Variants in WNT7A observed in about 807,000 individuals in gnomAD.
WNT7A encodes the protein protein Wnt-7a.
Under a neutral mutation model 28.2 loss-of-function variants are expected in WNT7A, and 16 were observed. The observed-to-expected ratio is 0.57, with a 90% CI of 0.38 to 0.86. WNT7A has a LOEUF of 0.86. Among genes scored for constraint, WNT7A ranks in the 40% least tolerant of loss-of-function variants. The pLI, the probability that WNT7A is intolerant of heterozygous loss-of-function variation, is 0.00. For synonymous variants in WNT7A, 190 were observed against 195.9 expected (o/e 0.97, Z 0.25); for missense variants, 411 against 489.7 (o/e 0.84, Z 1.52).
At chr3:13,876,438 C>A (rs1049914605) in intron 1 of WNT7A, among the ~76,000 whole-genome samples, 11 of 152,166 alleles carry the variant, frequency 7.2e-5, no homozygotes, top group African/African-American at 2.2e-4. Flanking sequence ...GTAGGAAAGA[C>A]CTGTGGGGTG....
chr3:13,857,841 G>A (rs73814722), intron 2 of WNT7A, among the ~76,000 whole-genome samples: 3 of 152,190 alleles, frequency 2.0e-5, no homozygotes, highest in African/African-American at 7.2e-5. Flanking sequence ...GTGACCTTGG[G>A]TGAGTCACCT....
intron 3 of WNT7A, among the ~76,000 whole-genome samples, chr3:13,853,561 T>C (rs773704566): frequency 3.9e-5 from 6 of 152,086 alleles, no homozygotes; most frequent in Non-Finnish European, 8.8e-5. Flanking sequence ...TAGCCAAACC[T>C]CGCTCATCTC....
intron 3 of WNT7A, among the ~76,000 whole-genome samples, chr3:13,834,190 T>C (rs539120900): frequency 4.1e-4 from 63 of 152,236 alleles, no homozygotes; most frequent in Admixed American, 4.0e-3. Flanking sequence ...AGCAATTGTT[T>C]ATTTTGCTCA....
intron 3 of WNT7A, among the ~76,000 whole-genome samples, chr3:13,831,629 C>T (rs900094479): frequency 1.3e-5 from 2 of 152,160 alleles, no homozygotes; most frequent in African/African-American, 4.8e-5. Flanking sequence ...AGCTGAGTTC[C>T]TCCCTAGGCA....
chr3:13,873,138 A>G (rs1025541973), intron 2 of WNT7A, among the ~76,000 whole-genome samples: 1 of 152,102 alleles, frequency 6.6e-6, no homozygotes, highest in Non-Finnish European at 1.5e-5. Flanking sequence ...GATGCCACTC[A>G]CTATGTGACC....
At position 13,879,858 on chromosome 3, in the gene WNT7A, A is replaced by C; in HGVS notation, c.-42T>G. ...CGGGGCCGCGGGCCGGGCTGTGCTG[A>C]TCCCGCGGGCCGGCCCCGGCGGGGC... On this transcript the variant is annotated 5_prime_UTR_variant, in exon 1 of 4. Transcript: ENST00000285018. 1 of 1,529,190 alleles carries C rather than the reference A, an allele frequency of 6.5e-7. No homozygotes were observed. The allele number at this position is 1,529,190 out of a possible 1,614,324, so 94.7% of individuals were successfully genotyped here.
In WNT7A at chr3:13,819,119, C is replaced by T. The variant is rs1694067990; in HGVS notation, c.875G>A (p.Arg292His). 1.9e-6 allele frequency: 3 copies of T among 1,614,058 alleles called. No homozygotes were observed. Among genetic ancestry groups the T allele is most frequent in the Admixed American group, 1.7e-5 (1 of 60,012 alleles). ...CTGGGGAGCCGTCTTGTTGCAGGCG[C>T]GGCCCTGGGTGCCCACACTGCCGGT... ...PVTGSVGTQG[R>H]ACNKTAPQAS... The change falls in exon 4 of 4, where the codon CGC (arginine) becomes CAC (histidine). Residue 292 changes from arginine (R) to histidine (H), a missense_variant. Arg to His is a conservative substitution (Grantham distance 29). Coordinates refer to ENST00000285018, the MANE Select transcript of WNT7A (RefSeq NM_004625.4).
At chr3:13,851,619 T>C (rs1694639446) in intron 3 of WNT7A, among the ~76,000 whole-genome samples, 2 of 152,344 alleles carry the variant, frequency 1.3e-5, no homozygotes, top group Middle Eastern at 6.8e-3. Context: ...TTCTTGTACC[T>C]GATTCTCTCA....
intron 3 of WNT7A, among the ~76,000 whole-genome samples, chr3:13,842,614 T>C (rs1324067069): frequency 3.3e-5 from 5 of 152,098 alleles, no homozygotes; most frequent in South Asian, 2.1e-4. Context: ...ATGTTGGATG[T>C]GGGGTGTGAA....
intron 3 of WNT7A, among the ~76,000 whole-genome samples, chr3:13,833,296 G>T (rs750427067): frequency 1.3e-5 from 2 of 151,998 alleles, no homozygotes; most frequent in African/African-American, 4.8e-5. Context: ...TTCTCATGCC[G>T]TCCATCCCTA....
intron 3 of WNT7A, among the ~76,000 whole-genome samples, chr3:13,833,864 A>T (rs1048938634): frequency 6.6e-6 from 1 of 152,182 alleles, no homozygotes; most frequent in Non-Finnish European, 1.5e-5. Context: ...TCATCCACTC[A>T]TTCACCTTTC....
At chr3:13,833,726 C>T (rs1278516131) in intron 3 of WNT7A, among the ~76,000 whole-genome samples, 3 of 152,194 alleles carry the variant, frequency 2.0e-5, no homozygotes, top group Admixed American at 6.5e-5. Flanking sequence ...TTGGGTAACC[C>T]CAACCACAGC....
chr3:13,873,862 G>A (rs1695062667), intron 2 of WNT7A, among the ~76,000 whole-genome samples: 1 of 152,212 alleles, frequency 6.6e-6, no homozygotes, highest in Non-Finnish European at 1.5e-5. Flanking sequence ...ACAAGGCTGA[G>A]TGAGCAAGGT....
In WNT7A at chr3:13,868,584, GA is replaced by G. The variant is rs1559306907; in HGVS notation, c.298+6362del. 1.4e-3 allele frequency among the ~76,000 whole-genome samples: 25 copies of G among 17,958 alleles called. 3 individuals carry two copies. Among genetic ancestry groups the G allele is most frequent in the Admixed American group, 5.3e-3 (7 of 1,312 alleles). 11.8% of individuals were successfully genotyped at this position (17,958 alleles called of 152,430 possible). On this transcript the variant is annotated intron_variant, in intron 2 of 3. Transcript: ENST00000285018. Reference sequence around the variant, plus strand: ...GGGGAGAGAGAGAGAGAGAGAGAGAGAGAGAGGGAGAAAGAAAGAAAGAAAG... The same window carrying G: ...GGGGAGAGAGAGAGAGAGAGAGAGAGGAGAGGGAGAAAGAAAGAAAGAAAG...
At chr3:13,879,324 G>T (rs776864094) in intron 1 of WNT7A, among the ~76,000 whole-genome samples, 7 of 152,220 alleles carry the variant, frequency 4.6e-5, no homozygotes, top group Non-Finnish European at 8.8e-5. Context: ...CGCCTCCTGA[G>T]AGAGTTCGTC....
chr3:13,856,933 A>G (rs895305999), intron 2 of WNT7A, among the ~76,000 whole-genome samples: 21 of 113,502 alleles, frequency 1.9e-4, no homozygotes, highest in African/African-American at 5.8e-4. Flanking sequence ...GAAGAAGAAG[A>G]AGAAGAAGAA....
chr3:13,872,548 C>G (rs902059474), intron 2 of WNT7A, among the ~76,000 whole-genome samples: 4 of 152,162 alleles, frequency 2.6e-5, no homozygotes, highest in African/African-American at 9.7e-5. Flanking sequence ...ACCAACTGCC[C>G]TGCATCGCTG....
chr3:13,839,810 G>T (rs1694427704), intron 3 of WNT7A, among the ~76,000 whole-genome samples: 1 of 152,168 alleles, frequency 6.6e-6, no homozygotes, highest in South Asian at 2.1e-4. Context: ...ATGTTGCCCA[G>T]GGCCTGTTTT....
chr3:13,876,446 G>A (rs1207752314), intron 1 of WNT7A, among the ~76,000 whole-genome samples: 1 of 152,230 alleles, frequency 6.6e-6, no homozygotes, highest in African/African-American at 2.4e-5. Flanking sequence ...GACCTGTGGG[G>A]TGCCAGAGCA....
Sources: allele counts gnomAD v4.1 joint callset (sites outside exome capture counted in the v4.1 genomes callset), GRCh38; gene constraint gnomAD v4.1.1; transcripts MANE v1.5; gene names NCBI Gene and HGNC (gene_info 2026-07-23, HGNC 2026-07-21).